TENM3: variants seen among roughly 807,000 people sequenced by gnomAD.
TENM3 encodes the protein teneurin transmembrane protein 3, also known as teneurin-3.
In TENM3, 63 loss-of-function variants were observed where a neutral mutation model predicts 255.1. The observed-to-expected ratio is 0.25, with a 90% CI of 0.20 to 0.30. The LOEUF (loss-of-function observed/expected upper bound fraction) is 0.30, where lower values mean the gene tolerates loss of function less well. Ranked by LOEUF, TENM3 falls within the 10% of genes least tolerant of loss-of-function variation. The probability of loss-of-function intolerance (pLI) is 1.00; values close to 1 mark genes in which losing one functional copy is unlikely to be tolerated. For synonymous variants in TENM3, 1,306 were observed against 1,322.3 expected, an observed-to-expected ratio of 0.99 and a Z score of 0.27; for missense variants, 2,929 against 3,461.1, an observed-to-expected ratio of 0.85 and a Z score of 3.86.
At chr4:182,243,793 G>A (rs1243987332) in intron 1 of TENM3, among the ~76,000 whole-genome samples, 1 of 152,070 alleles carries the variant, frequency 6.6e-6, no homozygotes, top group Non-Finnish European at 1.5e-5. Flanking sequence ...AATTTTAAAT[G>A]TATGTCTGTT....
chr4:181,929,112 T>C, the TENM3 span, among the ~76,000 whole-genome samples: 1 of 152,120 alleles, frequency 6.6e-6, no homozygotes, highest in African/African-American at 2.4e-5. Context: ...ATGAAGAAAC[T>C]GCGTCAACCA....
chr4:182,029,004 C>T, the TENM3 span, among the ~76,000 whole-genome samples: 1 of 152,038 alleles, frequency 6.6e-6, no homozygotes, highest in South Asian at 2.1e-4. Flanking sequence ...TCGATTTTCA[C>T]GTTGCTGAAT....
the TENM3 span, among the ~76,000 whole-genome samples, chr4:182,134,989 C>T: frequency 1.3e-5 from 2 of 151,750 alleles, no homozygotes; most frequent in East Asian, 1.9e-4. Flanking sequence ...GGGTGGATCA[C>T]GAGGTCAGGA....
chr4:181,593,671 G>A, the TENM3 span, among the ~76,000 whole-genome samples: 7 of 152,248 alleles, frequency 4.6e-5, no homozygotes, highest in South Asian at 4.1e-4. Flanking sequence ...TGCTGCTACT[G>A]TATATTTTAA....
intron 2 of TENM3, among the ~76,000 whole-genome samples, chr4:182,342,694 G>T (rs560125683): frequency 1.3e-5 from 2 of 152,154 alleles, no homozygotes; most frequent in Admixed American, 1.3e-4. Flanking sequence ...CAAGAGAGAA[G>T]GAGAGAAAGC....
intron 24 of TENM3, among the ~76,000 whole-genome samples, chr4:182,785,694 C>G (rs2152818827): frequency 7.2e-6 from 1 of 139,204 alleles, no homozygotes; most frequent in East Asian, 2.1e-4. Context: ...GGTGTCCCAG[C>G]CAGACCCTGT....
intron 24 of TENM3, among the ~76,000 whole-genome samples, chr4:182,785,162 G>A (rs1765542398): frequency 6.6e-6 from 1 of 151,700 alleles, no homozygotes. Flanking sequence ...CTGCAGCCTT[G>A]ACTTCACAGG....
the TENM3 span, among the ~76,000 whole-genome samples, chr4:181,472,235 A>G: frequency 1.3e-5 from 2 of 152,306 alleles, no homozygotes; most frequent in East Asian, 3.9e-4. Context: ...TGTGAGAGGA[A>G]GTAGGAGGCT....
intron 3 of TENM3, among the ~76,000 whole-genome samples, chr4:182,542,017 C>T (rs779815815): frequency 3.9e-5 from 6 of 152,096 alleles, no homozygotes; most frequent in Non-Finnish European, 8.8e-5. Flanking sequence ...GAGCTATGAT[C>T]ATGCCACTGC....
the TENM3 span, among the ~76,000 whole-genome samples, chr4:181,766,791 T>C: frequency 6.6e-6 from 1 of 150,440 alleles, no homozygotes; most frequent in African/African-American, 2.4e-5. Flanking sequence ...CAAAGACGCT[T>C]TAAGGAGAAA....
chr4:181,506,006 A>C, the TENM3 span, among the ~76,000 whole-genome samples: 3 of 152,184 alleles, frequency 2.0e-5, no homozygotes, highest in Non-Finnish European at 4.4e-5. Flanking sequence ...AGCAGAATGA[A>C]TAGATTGATA....
the TENM3 span, among the ~76,000 whole-genome samples, chr4:181,979,144 AT>A: frequency 3.2e-5 from 3 of 94,226 alleles, no homozygotes; most frequent in East Asian, 9.4e-4. Context: ...ATATATATAT[AT>A]ATATATATAT....
At chr4:182,680,461 C>A (rs2152565361) in intron 9 of TENM3, 82 bp from the exon 10 acceptor site, 1 of 1,528,162 alleles carries the variant, frequency 6.5e-7, no homozygotes, top group Non-Finnish European at 9.1e-7. Context: ...TGGCATATTG[C>A]TTGTTCCAGC....
the TENM3 span, among the ~76,000 whole-genome samples, chr4:181,657,213 T>G: frequency 6.6e-6 from 1 of 152,216 alleles, no homozygotes; most frequent in East Asian, 1.9e-4. Flanking sequence ...GAAAAAATAA[T>G]TCTGTGGCCA....
chr4:182,218,435 G>A (rs553316790), intron 1 of TENM3, among the ~76,000 whole-genome samples: 22 of 152,234 alleles, frequency 1.4e-4, no homozygotes, highest in African/African-American at 4.8e-4. Flanking sequence ...TAGTAATTGT[G>A]CAAATTCATA....
the TENM3 span, among the ~76,000 whole-genome samples, chr4:181,505,957 G>A: frequency 2.0e-5 from 3 of 152,094 alleles, no homozygotes; most frequent in East Asian, 5.8e-4. Flanking sequence ...GTTGTCAAAT[G>A]CTTATTTAAT....
intron 1 of TENM3, among the ~76,000 whole-genome samples, chr4:182,194,252 T>C (rs192014868): frequency 2.4e-4 from 34 of 142,752 alleles, no homozygotes; most frequent in African/African-American, 8.0e-4. Context: ...TTTGTCCTCG[T>C]TGTTTCTGAG....
At chr4:181,947,806 C>A in the TENM3 span, among the ~76,000 whole-genome samples, 2 of 152,118 alleles carry the variant, frequency 1.3e-5, no homozygotes, top group Admixed American at 6.5e-5. Flanking sequence ...AAAATCTGAA[C>A]TGTAAAATGA....
the TENM3 span, among the ~76,000 whole-genome samples, chr4:181,926,859 A>C: frequency 4.6e-5 from 7 of 151,762 alleles, no homozygotes; most frequent in Admixed American, 3.9e-4. Context: ...AGACCACGGA[A>C]GGCAAGCAGA....
Sources: allele counts gnomAD v4.1 joint callset (sites outside exome capture counted in the v4.1 genomes callset), GRCh38; gene constraint gnomAD v4.1.1; transcripts MANE v1.5; gene names NCBI Gene and HGNC (gene_info 2026-07-23, HGNC 2026-07-21).